PEX14: variants seen among roughly 807,000 people sequenced by gnomAD.
PEX14 encodes peroxisomal biogenesis factor 14, also known as peroxisomal membrane protein PEX14.
In PEX14, 15 loss-of-function variants were observed where a neutral mutation model predicts 49.5. That is an observed-to-expected ratio of 0.30 (90% confidence interval 0.20 to 0.47). PEX14 has a LOEUF of 0.47. Among genes scored for constraint, PEX14 ranks in the 20% least tolerant of loss-of-function variants. PEX14 has a pLI of 1.00. For missense variants in PEX14, 398 were observed against 494.8 expected, an observed-to-expected ratio of 0.80 and a Z score of 1.86; for synonymous variants, 210 against 212.7, an observed-to-expected ratio of 0.99 and a Z score of 0.11.
At chr1:10,596,341 TTC>T (rs1640831791) in intron 3 of PEX14, among the ~76,000 whole-genome samples, 1 of 152,256 alleles carries the variant, frequency 6.6e-6, no homozygotes. Flanking sequence ...TTCTACCTTT[TTC>T]TCTCTAGTAT....
intron 2 of PEX14, among the ~76,000 whole-genome samples, chr1:10,503,446 TC>T (rs1641723332): frequency 6.6e-6 from 1 of 151,450 alleles, no homozygotes; most frequent in South Asian, 2.1e-4. Flanking sequence ...ATCTTAGAGC[TC>T]CTTTACATGC....
Position 10,624,855 on chromosome 1 carries a change from C to G in PEX14, c.585+418C>G, listed in dbSNP as rs114621436. Among the ~76,000 whole-genome samples, 596 of 152,250 alleles carry G rather than the reference C, an allele frequency of 3.9e-3. 7 individuals are homozygous for G. The highest frequency in any genetic ancestry group is 0.014 in the African/African-American group (577 of 41,524). ...AGACAGGGGAGAAGCGAGTCGCAGT[C>G]AGTTCACCAGCACCAGCCCCATCCA... On this transcript the variant is annotated intron_variant, in intron 7 of 8. Transcript: ENST00000356607.
intron 2 of PEX14, 141 bp from the exon 3 acceptor site, chr1:10,536,072 G>A (rs1330016525): frequency 2.1e-5 from 15 of 700,244 alleles, no homozygotes; most frequent in Non-Finnish European, 3.4e-5. Context: ...TAGATTTTAA[G>A]TTTAAGAAAT....
intron 3 of PEX14, among the ~76,000 whole-genome samples, chr1:10,540,810 C>T (rs529608874): frequency 6.6e-6 from 1 of 152,304 alleles, no homozygotes; most frequent in Admixed American, 6.5e-5. Context: ...CCCATTTCCT[C>T]ATCCTCAGAA....
At chr1:10,553,196 A>G (rs748796771) in intron 3 of PEX14, among the ~76,000 whole-genome samples, 11 of 151,988 alleles carry the variant, frequency 7.2e-5, no homozygotes, top group Non-Finnish European at 1.5e-4. Flanking sequence ...AGGATGGATT[A>G]GAGAGTGAGG....
At chr1:10,619,287 C>T (rs1273632479) in intron 5 of PEX14, among the ~76,000 whole-genome samples, 1 of 151,480 alleles carries the variant, frequency 6.6e-6, no homozygotes, top group Non-Finnish European at 1.5e-5. Flanking sequence ...TCTTTCGAGG[C>T]TGCCAGCTCC....
At chr1:10,487,858 G>C (rs1641399288) in intron 1 of PEX14, among the ~76,000 whole-genome samples, 1 of 151,730 alleles carries the variant, frequency 6.6e-6, no homozygotes, top group Non-Finnish European at 1.5e-5. Flanking sequence ...TCGGCTTACT[G>C]CAACTTCTGC....
intron 3 of PEX14, chr1:10,536,575 A>C (rs1208498056): frequency 1.8e-5 from 8 of 446,256 alleles, no homozygotes; most frequent in Non-Finnish European, 2.9e-5. Context: ...GGCCCATTGG[A>C]TGAGACTGTG....
chr1:10,629,734 GC>G lies in PEX14; in HGVS notation c.886del (p.Gln296ArgfsTer39). ...EGSTVTYHLL[G>X]PQEEGEGVVD... ...TCCACGGTCACCTACCACTTGCTGG[GC>G]CCCCAGGAGGAAGGCGAGGGGGTGG... On this transcript the variant is annotated frameshift_variant, in exon 9 of 9. Transcript: ENST00000356607. LOFTEE classifies it high-confidence loss of function. The surrounding 1 kb of genome is among the most constrained non-coding windows in gnomAD (Gnocchi z 8.5). 1 of 1,597,764 alleles carries G rather than the reference GC, an allele frequency of 6.3e-7. No homozygotes were observed.
At chr1:10,600,309 T>C (rs1196067333) in intron 4 of PEX14, among the ~76,000 whole-genome samples, 1 of 151,998 alleles carries the variant, frequency 6.6e-6, no homozygotes, top group Non-Finnish European at 1.5e-5. Context: ...TAATCCCTGC[T>C]ACTCAGGAGG....
intron 2 of PEX14, among the ~76,000 whole-genome samples, chr1:10,509,411 A>G (rs2124432983): frequency 1.3e-5 from 2 of 152,278 alleles, no homozygotes; most frequent in South Asian, 4.1e-4. Flanking sequence ...CATTATTATT[A>G]TTTCTATTGG....
chr1:10,572,413 C>G (rs143885321), intron 3 of PEX14, among the ~76,000 whole-genome samples: 1 of 152,012 alleles, frequency 6.6e-6, no homozygotes, highest in African/African-American at 2.4e-5. Flanking sequence ...AACCATAGAA[C>G]AAAAAGGATG....
At chr1:10,544,193 CT>C (rs752176366) in intron 3 of PEX14, among the ~76,000 whole-genome samples, 6 of 152,026 alleles carry the variant, frequency 3.9e-5, no homozygotes, top group Non-Finnish European at 5.9e-5. Flanking sequence ...CGCTGTGACC[CT>C]AGTATGTAGT....
At chr1:10,498,922 C>G (rs918047659) in intron 2 of PEX14, among the ~76,000 whole-genome samples, 1 of 152,202 alleles carries the variant, frequency 6.6e-6, no homozygotes, top group African/African-American at 2.4e-5. Context: ...TGTGAATTTC[C>G]CACAGACTCT....
In PEX14 at chr1:10,583,854, T is replaced by C. The variant is rs573745527; in HGVS notation, c.170-15384T>C. Reference sequence around the variant, plus strand: ...CCGATGCAGAAGCTTGAAGAGGAAGTTGTGTCTGGCAAATTCCAGGAACAA... The same window carrying C: ...CCGATGCAGAAGCTTGAAGAGGAAGCTGTGTCTGGCAAATTCCAGGAACAA... On this transcript the variant is annotated intron_variant, in intron 3 of 8. Transcript: ENST00000356607. 7.2e-4 allele frequency among the ~76,000 whole-genome samples: 109 copies of C among 152,136 alleles called. 1 individual carries two copies. Among genetic ancestry groups the C allele is most frequent in the Non-Finnish European group, 1.1e-3 (77 of 67,988 alleles).
Position 10,628,432 on chromosome 1 carries a change from G to A in PEX14, c.677+1069G>A, listed in dbSNP as rs533946362. ...GCTTTTCACTAGGGTCCAGGATGGGGTGCAGAGGGGTCTTGCGGCTCCAGC... is the reference window on the plus strand; with the variant it reads ...GCTTTTCACTAGGGTCCAGGATGGGATGCAGAGGGGTCTTGCGGCTCCAGC... On this transcript the variant is annotated intron_variant, in intron 8 of 8. Transcript: ENST00000356607. The surrounding 1 kb of genome is among the most constrained non-coding windows in gnomAD (Gnocchi z 4.5). Among the ~76,000 whole-genome samples, 194 of 152,356 alleles carry A rather than the reference G, an allele frequency of 1.3e-3. No homozygotes were observed. Among genetic ancestry groups the A allele is most frequent in the African/African-American group, 4.4e-3 (184 of 41,588 alleles).
intron 3 of PEX14, among the ~76,000 whole-genome samples, chr1:10,590,902 T>G (rs1640644561): frequency 6.6e-6 from 1 of 152,182 alleles, no homozygotes; most frequent in African/African-American, 2.4e-5. Flanking sequence ...GATCACATAT[T>G]TAAGATTCAA....
intron 3 of PEX14, among the ~76,000 whole-genome samples, chr1:10,545,739 C>A (rs11580264): frequency 0.39 from 58,860 of 151,998 alleles, 12,862 homozygotes; most frequent in Non-Finnish European, 0.5. Flanking sequence ...GCAAAAAATT[C>A]TTGTAAGAAT....
intron 1 of PEX14, among the ~76,000 whole-genome samples, chr1:10,489,960 T>C (rs1257731158): frequency 6.6e-6 from 1 of 152,206 alleles, no homozygotes; most frequent in African/African-American, 2.4e-5. Flanking sequence ...TTGTTTACAG[T>C]GGGAGGGCAA....
Sources: allele counts gnomAD v4.1 joint callset (sites outside exome capture counted in the v4.1 genomes callset), GRCh38; gene constraint gnomAD v4.1.1; non-coding constraint Gnocchi (gnomAD v3.1); transcripts MANE v1.5; gene names NCBI Gene and HGNC (gene_info 2026-07-23, HGNC 2026-07-21).